The following LSAMP variants were observed in gnomAD, a reference collection of about 807,000 sequenced individuals.
The protein encoded by LSAMP is limbic system-associated membrane protein.
In LSAMP, 7 loss-of-function variants were observed where a neutral mutation model predicts 38.6. That is an observed-to-expected ratio of 0.18 (90% CI 0.10 to 0.34). LSAMP has a LOEUF of 0.34. Among genes scored for constraint, LSAMP ranks in the 10% least tolerant of loss-of-function variants. The pLI, the probability that LSAMP is intolerant of heterozygous loss-of-function variation, is 1.00. For missense variants in LSAMP, 313 were observed against 420.0 expected, an observed-to-expected ratio of 0.75 and a Z score of 2.23; for synonymous variants, 154 against 166.8, an observed-to-expected ratio of 0.92 and a Z score of 0.59.
At chr3:115,912,443 G>A (rs1403225383) in intron 3 of LSAMP, among the ~76,000 whole-genome samples, 1 of 152,186 alleles carries the variant, frequency 6.6e-6, no homozygotes, top group Non-Finnish European at 1.5e-5. Flanking sequence ...TCTTGGGTGG[G>A]TGTGGAAAGC....
chr3:116,387,690 T>C (rs2048642917), intron 1 of LSAMP, among the ~76,000 whole-genome samples: 1 of 152,062 alleles, frequency 6.6e-6, no homozygotes, highest in East Asian at 1.9e-4. Context: ...ACATCGGGAT[T>C]TCCTAGTGAA....
chr3:115,965,886 C>A (rs1481316322), intron 3 of LSAMP, among the ~76,000 whole-genome samples: 1 of 152,058 alleles, frequency 6.6e-6, no homozygotes, highest in Non-Finnish European at 1.5e-5. Context: ...TAGAGAAATA[C>A]AAATTATCTT....
chr3:116,254,906 T>C (rs1330047538), intron 1 of LSAMP, among the ~76,000 whole-genome samples: 1 of 152,200 alleles, frequency 6.6e-6, no homozygotes, highest in Non-Finnish European at 1.5e-5. Flanking sequence ...TCCTCGGAAT[T>C]GATTTCTGAT....
At chr3:115,842,620 G>T in intron 4 of LSAMP, 42 bp from the exon 5 acceptor site, 1 of 1,607,232 alleles carries the variant, frequency 6.2e-7, no homozygotes, top group Non-Finnish European at 8.5e-7. Flanking sequence ...GAGGGTCGGG[G>T]TGCTTAGAAT....
At chr3:116,039,399 AG>A (rs1941118302) in intron 2 of LSAMP, among the ~76,000 whole-genome samples, 1 of 152,226 alleles carries the variant, frequency 6.6e-6, no homozygotes, top group African/African-American at 2.4e-5. Flanking sequence ...GTCTTTCTCC[AG>A]AAGCTATTAT....
At chr3:116,389,945 C>T (rs2048671046) in intron 1 of LSAMP, among the ~76,000 whole-genome samples, 1 of 152,118 alleles carries the variant, frequency 6.6e-6, no homozygotes, top group Non-Finnish European at 1.5e-5. Flanking sequence ...ACTCTTACTG[C>T]TGCATAATGT....
At chr3:115,935,508 C>A (rs1312800981) in intron 3 of LSAMP, among the ~76,000 whole-genome samples, 1 of 152,204 alleles carries the variant, frequency 6.6e-6, no homozygotes, top group African/African-American at 2.4e-5. Flanking sequence ...TGGAAGTCCA[C>A]TAGGTATCGG....
chr3:116,342,400 A>G (rs926062979), intron 1 of LSAMP, among the ~76,000 whole-genome samples: 4 of 152,104 alleles, frequency 2.6e-5, no homozygotes, highest in Non-Finnish European at 5.9e-5. Context: ...ACAATAAAGG[A>G]AAGAAAATAG....
intron 4 of LSAMP, among the ~76,000 whole-genome samples, chr3:115,849,154 A>G (rs1935251872): frequency 6.6e-6 from 1 of 152,220 alleles, no homozygotes; most frequent in Non-Finnish European, 1.5e-5. Context: ...TATTGTCTAA[A>G]TTATACTAAG....
intron 1 of LSAMP, among the ~76,000 whole-genome samples, chr3:116,304,228 A>G (rs2047452483): frequency 6.6e-6 from 1 of 152,176 alleles, no homozygotes; most frequent in South Asian, 2.1e-4. Context: ...GGCATGAAAA[A>G]GATTTAATCC....
At chr3:116,401,383 G>T (rs1458896236) in intron 1 of LSAMP, among the ~76,000 whole-genome samples, 1 of 152,142 alleles carries the variant, frequency 6.6e-6, no homozygotes, top group Non-Finnish European at 1.5e-5. Context: ...CTGGGCTCAG[G>T]TGATCCTCCC....
intron 1 of LSAMP, among the ~76,000 whole-genome samples, chr3:116,195,473 T>C (rs1710860889): frequency 2.6e-5 from 4 of 152,194 alleles, no homozygotes; most frequent in Non-Finnish European, 1.5e-5. Context: ...ATATATACAA[T>C]TCAACTATCT....
chr3:116,365,875 AG>A (rs1161037644), intron 1 of LSAMP, among the ~76,000 whole-genome samples: 1 of 56,052 alleles, frequency 1.8e-5, no homozygotes, highest in Non-Finnish European at 3.4e-5. Flanking sequence ...GGGTCGGGGG[AG>A]GGGGGAGGGA....
chr3:116,339,546 T>C (rs1559833575), intron 1 of LSAMP, among the ~76,000 whole-genome samples: 2 of 151,812 alleles, frequency 1.3e-5, no homozygotes, highest in Non-Finnish European at 2.9e-5. Context: ...CATGGGGAAG[T>C]AGGGTCTGCA....
intron 3 of LSAMP, among the ~76,000 whole-genome samples, chr3:115,935,509 T>C (rs1937670261): frequency 6.6e-6 from 1 of 152,200 alleles, no homozygotes; most frequent in Admixed American, 6.5e-5. Context: ...GGAAGTCCAC[T>C]AGGTATCGGA....
chr3:116,303,991 A>C (rs1441434213), intron 1 of LSAMP, among the ~76,000 whole-genome samples: 1 of 152,146 alleles, frequency 6.6e-6, no homozygotes, highest in Non-Finnish European at 1.5e-5. Flanking sequence ...AAAACCTCCC[A>C]AGAATCATCC....
intron 1 of LSAMP, among the ~76,000 whole-genome samples, chr3:116,110,087 A>G: frequency 6.6e-6 from 1 of 152,058 alleles, no homozygotes; most frequent in Non-Finnish European, 1.5e-5. Context: ...CCCCCTAGAA[A>G]AGTGGGACTT....
intron 1 of LSAMP, among the ~76,000 whole-genome samples, chr3:116,295,207 T>A (rs2047315356): frequency 6.6e-6 from 1 of 152,208 alleles, no homozygotes; most frequent in South Asian, 2.1e-4. Flanking sequence ...ATCATACATC[T>A]GGCCAAGGCT....
chr3:116,353,299 T>C (rs2048166879), intron 1 of LSAMP, among the ~76,000 whole-genome samples: 1 of 152,290 alleles, frequency 6.6e-6, no homozygotes, highest in Admixed American at 6.5e-5. Context: ...TCTACTCTTT[T>C]AGTGAATTAC....
Sources: allele counts gnomAD v4.1 joint callset (sites outside exome capture counted in the v4.1 genomes callset), GRCh38; gene constraint gnomAD v4.1.1; transcripts MANE v1.5; gene names NCBI Gene and HGNC (gene_info 2026-07-23, HGNC 2026-07-21).